Variants in TTC1 observed in about 807,000 individuals in gnomAD.
TTC1 encodes the protein tetratricopeptide repeat domain 1.
A neutral mutation model predicts 37.6 loss-of-function variants in TTC1; 31 were observed. That is an observed-to-expected ratio of 0.82 (90% CI 0.62 to 1.11). The LOEUF (loss-of-function observed/expected upper bound fraction) is 1.11, where lower values mean the gene tolerates loss of function less well. Ranked by LOEUF, TTC1 falls within the 50% of genes most tolerant of loss-of-function variation. The pLI is 0.00. For missense variants in TTC1, 351 were observed against 339.0 expected, an observed-to-expected ratio of 1.04 and a Z score of -0.28; for synonymous variants, 127 against 122.4, an observed-to-expected ratio of 1.04 and a Z score of -0.25.
chr5:160,015,651 G>A (rs571472615), intron 2 of TTC1, among the ~76,000 whole-genome samples: 1 of 152,294 alleles, frequency 6.6e-6, no homozygotes, highest in East Asian at 1.9e-4. Flanking sequence ...TCACCTGGCT[G>A]TTCTATATCA....
intron 7 of TTC1, among the ~76,000 whole-genome samples, chr5:160,054,639 A>G (rs1290010914): frequency 6.6e-6 from 1 of 151,988 alleles, no homozygotes. Flanking sequence ...GAAAAATCTC[A>G]TGTGAAACCA....
At chr5:160,036,830 A>G in intron 4 of TTC1, 27 bp downstream of exon 4, 1 of 1,517,016 alleles carries the variant, frequency 6.6e-7, no homozygotes, top group Non-Finnish European at 9.1e-7. Context: ...TTTTCTTTTT[A>G]AAAAGCACAT....
At position 160,052,132 on chromosome 5, in the gene TTC1, G is replaced by A. The variant is rs969627161; in HGVS notation, c.745+949G>A. On this transcript the variant is annotated intron_variant, in intron 7 of 7. Coordinates refer to ENST00000231238, the MANE Select transcript of TTC1 (RefSeq NM_003314.3). ...TCAGACTGTAAAGACGGCTGCTTCCGATTCAGGATAGCTCTGGAGCCTTCC... is the reference window on the plus strand; with the variant it reads ...TCAGACTGTAAAGACGGCTGCTTCCAATTCAGGATAGCTCTGGAGCCTTCC... Among the ~76,000 whole-genome samples the A allele has an allele frequency of 5.9e-5, 9 of 152,214 alleles. No homozygotes were observed. The South Asian group carries it at 1.0e-3, about 17-fold the overall frequency.
At chr5:160,023,483 C>T (rs1318131377) in intron 2 of TTC1, among the ~76,000 whole-genome samples, 3 of 151,758 alleles carry the variant, frequency 2.0e-5, no homozygotes, top group Admixed American at 6.6e-5. Flanking sequence ...AGGAGAGACA[C>T]GGTCTTGCTG....
At chr5:160,023,720 A>G in intron 2 of TTC1, 1 of 1,601,200 alleles carries the variant, frequency 6.2e-7, no homozygotes, top group Non-Finnish European at 8.5e-7. Flanking sequence ...TAATCTTTCC[A>G]CTCCTATGTG....
At chr5:160,059,129 C>T (rs1757629082) in intron 7 of TTC1, among the ~76,000 whole-genome samples, 1 of 152,174 alleles carries the variant, frequency 6.6e-6, no homozygotes. Flanking sequence ...TGAAGCCAGG[C>T]ATTGAATTAT....
intron 5 of TTC1, 26 bp downstream of exon 5, chr5:160,043,195 G>T (rs1422014448): frequency 1.2e-6 from 2 of 1,612,580 alleles, no homozygotes; most frequent in South Asian, 2.2e-5. Flanking sequence ...CTTATTACAT[G>T]TTAACATACA....
intron 2 of TTC1, among the ~76,000 whole-genome samples, chr5:160,024,338 T>C (rs1756763833): frequency 6.6e-6 from 1 of 152,204 alleles, no homozygotes; most frequent in South Asian, 2.1e-4. Flanking sequence ...ACAGCTTACA[T>C]ATCCATAGTG....
intron 7 of TTC1, among the ~76,000 whole-genome samples, chr5:160,063,966 C>CTTTTTTTT (rs34967107): frequency 9.4e-6 from 1 of 106,672 alleles, no homozygotes; most frequent in Non-Finnish European, 1.8e-5. Context: ...TAGACCATGA[C>CTTTTTTTT]TTTTTTTTTT....
chr5:160,011,807 G>A (rs978185354), intron 2 of TTC1, among the ~76,000 whole-genome samples: 2 of 152,054 alleles, frequency 1.3e-5, no homozygotes, highest in African/African-American at 4.8e-5. Context: ...GAACTAGATT[G>A]TAGTTTATGC....
At chr5:160,020,171 C>T (rs1001058918) in intron 2 of TTC1, among the ~76,000 whole-genome samples, 5 of 152,126 alleles carry the variant, frequency 3.3e-5, no homozygotes, top group South Asian at 2.1e-4. Flanking sequence ...TCAAGTGATC[C>T]GCCCGCCCCA....
intron 7 of TTC1, among the ~76,000 whole-genome samples, chr5:160,062,360 A>G (rs1438845638): frequency 3.3e-5 from 5 of 152,222 alleles, no homozygotes; most frequent in Non-Finnish European, 7.3e-5. Flanking sequence ...TCTCTGGAGC[A>G]CGGTGACATG....
intron 2 of TTC1, among the ~76,000 whole-genome samples, chr5:160,012,983 A>G (rs1328209957): frequency 1.3e-5 from 2 of 152,164 alleles, no homozygotes; most frequent in African/African-American, 4.8e-5. Flanking sequence ...TGTTCCAGAC[A>G]TTCATATAAA....
intron 2 of TTC1, among the ~76,000 whole-genome samples, chr5:160,017,351 G>A (rs1216366187): frequency 6.6e-6 from 1 of 152,098 alleles, no homozygotes; most frequent in African/African-American, 2.4e-5. Flanking sequence ...GTCTGGTGAG[G>A]GCCTCTTCCT....
Position 160,036,530 on chromosome 5 carries a change from A to G in TTC1, c.392-161A>G, listed in dbSNP as rs138650313. The G allele has an allele frequency of 2.3e-3, 1,326 of 572,656 alleles. 6 individuals carry two copies. The highest frequency in any genetic ancestry group is 3.4e-3 in the Admixed American group (114 of 33,476). The allele number at this position is 572,656 out of a possible 1,614,324, so 35.5% of individuals were successfully genotyped here. A position where few individuals can be genotyped will look rare whatever the true frequency, so the allele number is the denominator to read the frequency against. Reference sequence around the variant, plus strand: ...TGTTCCTTTAAAGAGAGAAGAAAAGAAGAAATGATTTTTACTGCGCCAGAC... The same window carrying G: ...TGTTCCTTTAAAGAGAGAAGAAAAGGAGAAATGATTTTTACTGCGCCAGAC... On this transcript the variant is annotated intron_variant, in intron 3 of 7. Transcript: ENST00000231238.
intron 4 of TTC1, among the ~76,000 whole-genome samples, chr5:160,040,055 A>T (rs1486885907): frequency 6.6e-6 from 1 of 152,178 alleles, no homozygotes; most frequent in African/African-American, 2.4e-5. Context: ...TCTGGATGGT[A>T]TGGCCTACTA....
intron 4 of TTC1, chr5:160,039,001 A>C (rs898407056): frequency 2.0e-5 from 3 of 152,198 alleles, no homozygotes; most frequent in South Asian, 2.1e-4. Flanking sequence ...CTCTAAAATG[A>C]GAGACTTGAT....
intron 7 of TTC1, among the ~76,000 whole-genome samples, chr5:160,061,358 G>A (rs12514103): frequency 0.07 from 10,679 of 152,144 alleles, 447 homozygotes; most frequent in African/African-American, 0.12. Flanking sequence ...CCTGACTCTC[G>A]TAGCATTTTA....
chr5:160,036,359 A>C, intron 3 of TTC1: 1 of 203,278 alleles, frequency 4.9e-6, no homozygotes, highest in Non-Finnish European at 1.0e-5. Flanking sequence ...ACCTCCTTTG[A>C]AAACTCCTTT....
Sources: allele counts gnomAD v4.1 joint callset (sites outside exome capture counted in the v4.1 genomes callset), GRCh38; gene constraint gnomAD v4.1.1; transcripts MANE v1.5; gene names NCBI Gene and HGNC (gene_info 2026-07-23, HGNC 2026-07-21).